RALYL: variants seen among roughly 807,000 people sequenced by gnomAD.
RALYL encodes RNA-binding Raly-like protein.
A neutral mutation model predicts 35.1 loss-of-function variants in RALYL; 29 were observed. The ratio of observed to expected loss-of-function variants is 0.83; its 90% confidence interval spans 0.61 to 1.13. The LOEUF (loss-of-function observed/expected upper bound fraction) is 1.13, where lower values mean the gene tolerates loss of function less well. RALYL is among the 50% of genes most tolerant of loss of function. RALYL has a pLI of 0.00. For missense variants in RALYL, 359 were observed against 360.4 expected (o/e 1.00, Z 0.03); for synonymous variants, 120 against 127.6 (o/e 0.94, Z 0.40).
chr8:84,446,224 C>T (rs1175400671), intron 1 of RALYL, among the ~76,000 whole-genome samples: 1 of 151,764 alleles, frequency 6.6e-6, no homozygotes, highest in Non-Finnish European at 1.5e-5. Flanking sequence ...TTCCACATGC[C>T]TCAAGGAAGT....
In RALYL at chr8:84,905,724, T is replaced by A. The variant is rs1254755304; in HGVS notation, c.859-15170T>A. Among the ~76,000 whole-genome samples, 6 of 143,800 alleles carry A rather than the reference T, an allele frequency of 4.2e-5. No individual in the cohort carries two copies. The South Asian group carries it at 6.5e-4, about 16-fold the overall frequency. 94.3% of individuals were successfully genotyped at this position (143,800 alleles called of 152,430 possible). On this transcript the variant is annotated intron_variant, in intron 8 of 8. Coordinates refer to ENST00000521268, the MANE Select transcript of RALYL (RefSeq NM_173848.7). ...TATTTTTTTTTTTTTTGAGACAGAG[T>A]CTTGCTCTGTCGCCCAGGATGGAGT...
chr8:84,262,395 A>G (rs958455099), intron 1 of RALYL, among the ~76,000 whole-genome samples: 1 of 152,176 alleles, frequency 6.6e-6, no homozygotes, highest in Non-Finnish European at 1.5e-5. Flanking sequence ...CAATCTTTCA[A>G]TGTGTTATCA....
intron 2 of RALYL, among the ~76,000 whole-genome samples, chr8:84,617,906 C>G (rs543501261): frequency 6.6e-6 from 1 of 151,816 alleles, no homozygotes; most frequent in East Asian, 1.9e-4. Flanking sequence ...TATTGATTTG[C>G]GTATATTGAA....
chr8:84,578,245 C>A (rs943744643), intron 2 of RALYL, among the ~76,000 whole-genome samples: 12 of 152,248 alleles, frequency 7.9e-5, no homozygotes, highest in Admixed American at 6.5e-4. Context: ...GGATTAGATG[C>A]ACCATAAGCG....
At chr8:84,245,721 T>A (rs1009627018) in intron 1 of RALYL, among the ~76,000 whole-genome samples, 3 of 152,086 alleles carry the variant, frequency 2.0e-5, no homozygotes, top group Non-Finnish European at 4.4e-5. Context: ...AAGGGTAGAC[T>A]CAGGGGTATG....
intron 8 of RALYL, among the ~76,000 whole-genome samples, chr8:84,910,364 T>A (rs116954510): frequency 1.4e-3 from 209 of 152,242 alleles, no homozygotes; most frequent in Non-Finnish European, 2.3e-3. Flanking sequence ...ATCAAAGTCT[T>A]GGGCTATAAG....
At chr8:84,260,966 G>A (rs1832145464) in intron 1 of RALYL, among the ~76,000 whole-genome samples, 1 of 152,112 alleles carries the variant, frequency 6.6e-6, no homozygotes, top group Non-Finnish European at 1.5e-5. Flanking sequence ...TCTGATAAGT[G>A]GCAGATGACA....
At chr8:84,905,079 T>C (rs1237786325) in intron 8 of RALYL, among the ~76,000 whole-genome samples, 1 of 152,164 alleles carries the variant, frequency 6.6e-6, no homozygotes, top group African/African-American at 2.4e-5. Flanking sequence ...TTATGCCCAC[T>C]TATTAGCAAC....
At chr8:84,369,067 G>T (rs1361542576) in intron 1 of RALYL, among the ~76,000 whole-genome samples, 3 of 152,096 alleles carry the variant, frequency 2.0e-5, no homozygotes, top group African/African-American at 7.2e-5. Flanking sequence ...ATGAATACAT[G>T]ATTTGTCTGA....
intron 1 of RALYL, among the ~76,000 whole-genome samples, chr8:84,232,015 A>C (rs1048549211): frequency 7.2e-5 from 11 of 152,212 alleles, no homozygotes; most frequent in Middle Eastern, 3.2e-3. Flanking sequence ...TTATTCCAAA[A>C]AAAGGCTTTA....
intron 1 of RALYL, among the ~76,000 whole-genome samples, chr8:84,350,608 A>G (rs1351000979): frequency 6.7e-6 from 1 of 150,124 alleles, no homozygotes; most frequent in Non-Finnish European, 1.5e-5. Context: ...GAACCAGGGC[A>G]CTAGTAAACT....
At chr8:84,291,892 A>C (rs2132236839) in intron 1 of RALYL, among the ~76,000 whole-genome samples, 1 of 149,840 alleles carries the variant, frequency 6.7e-6, no homozygotes, top group Admixed American at 6.7e-5. Flanking sequence ...GAAGCTAAAT[A>C]ATAAAAAATA....
intron 1 of RALYL, among the ~76,000 whole-genome samples, chr8:84,314,727 A>T (rs557594193): frequency 2.6e-5 from 4 of 152,146 alleles, no homozygotes; most frequent in Non-Finnish European, 5.9e-5. Context: ...GTGAGACCCC[A>T]TCGTTAATCA....
At chr8:84,402,465 C>G (rs2043011399) in intron 1 of RALYL, among the ~76,000 whole-genome samples, 1 of 152,018 alleles carries the variant, frequency 6.6e-6, no homozygotes, top group Non-Finnish European at 1.5e-5. Flanking sequence ...GCTTTCGGAG[C>G]TTCTCTTAAA....
chr8:84,404,826 A>G (rs2043294589), intron 1 of RALYL, among the ~76,000 whole-genome samples: 1 of 152,154 alleles, frequency 6.6e-6, no homozygotes, highest in Non-Finnish European at 1.5e-5. Context: ...CTGGTCAGCT[A>G]TTAATTACTG....
At chr8:84,367,382 G>T (rs1854687985) in intron 1 of RALYL, among the ~76,000 whole-genome samples, 1 of 109,512 alleles carries the variant, frequency 9.1e-6, no homozygotes, top group African/African-American at 3.2e-5. Context: ...TAGAGGCAGG[G>T]TTTCACCATG....
intron 1 of RALYL, among the ~76,000 whole-genome samples, chr8:84,289,055 T>C (rs996204123): frequency 6.6e-6 from 1 of 152,146 alleles, no homozygotes; most frequent in Admixed American, 6.5e-5. Context: ...GCCATCAGTG[T>C]TTGCTAATTA....
At chr8:84,324,069 G>A (rs1478329104) in intron 1 of RALYL, among the ~76,000 whole-genome samples, 1 of 152,052 alleles carries the variant, frequency 6.6e-6, no homozygotes, top group African/African-American at 2.4e-5. Context: ...GTATGCACGT[G>A]TGTGTTTGTG....
intron 2 of RALYL, among the ~76,000 whole-genome samples, chr8:84,665,430 C>G (rs1831809941): frequency 6.6e-6 from 1 of 151,888 alleles, no homozygotes; most frequent in African/African-American, 2.4e-5. Flanking sequence ...TAGTATTTGT[C>G]TGGTCCTGTG....
Sources: gnomAD v4.1 joint callset for allele counts (sites outside exome capture counted in the v4.1 genomes callset) on GRCh38, gnomAD v4.1.1 for gene constraint, MANE v1.5 for transcripts, NCBI Gene and HGNC (gene_info 2026-07-23, HGNC 2026-07-21) for gene names.